Variants in OOEP observed in about 807,000 individuals in gnomAD.
The protein encoded by OOEP is oocyte expressed protein.
Under a neutral mutation model 13.7 loss-of-function variants are expected in OOEP, and 16 were observed. That is an observed-to-expected ratio of 1.16 (90% confidence interval 0.79 to 1.77). The LOEUF (loss-of-function observed/expected upper bound fraction) is 1.77. Among genes scored for constraint, OOEP ranks in the 40% most tolerant of loss-of-function variants. OOEP has a pLI of 0.00. For missense variants in OOEP, 195 were observed against 193.1 expected (o/e 1.01, Z -0.06); for synonymous variants, 89 against 77.1 (o/e 1.15, Z -0.81).
intron 2 of OOEP, among the ~76,000 whole-genome samples, chr6:73,385,164 G>T (rs1769253110): frequency 6.6e-6 from 1 of 151,692 alleles, no homozygotes; most frequent in Non-Finnish European, 1.5e-5. Context: ...GGCTAACATG[G>T]TGAAACCCCG....
upstream of OOEP, chr6:73,373,316 T>TAATGTAA: frequency 6.6e-7 from 1 of 1,518,304 alleles, no homozygotes. Context: ...GGAAGAGGGC[T>TAATGTAA]CCTTCTCTTC....
intron 2 of OOEP, 124 bp downstream of exon 2, chr6:73,369,082 T>C: frequency 9.7e-7 from 1 of 1,028,488 alleles, no homozygotes; most frequent in Non-Finnish European, 1.4e-6. Context: ...TTCGTACAGC[T>C]AGCTCCCTGG....
intron 2 of OOEP, among the ~76,000 whole-genome samples, chr6:73,387,398 C>T (rs571231442): frequency 1.4e-4 from 22 of 151,932 alleles, no homozygotes; most frequent in African/African-American, 4.6e-4. Context: ...CCTTTAATCC[C>T]GGCTACTTGG....
intron 2 of OOEP, among the ~76,000 whole-genome samples, chr6:73,389,023 G>GGA (rs1769311463): frequency 2.0e-5 from 3 of 150,884 alleles, no homozygotes; most frequent in South Asian, 2.1e-4. Flanking sequence ...GTGCAAATGC[G>GGA]AAGCCGCGAC....
intron 2 of OOEP, chr6:73,394,267 G>A (rs1186886479): frequency 5.7e-6 from 4 of 703,914 alleles, no homozygotes; most frequent in African/African-American, 3.5e-5. Context: ...CTTACATAGC[G>A]AGGATAAATG....
intron 2 of OOEP, among the ~76,000 whole-genome samples, chr6:73,392,900 G>A (rs937965603): frequency 6.6e-6 from 1 of 151,610 alleles, no homozygotes; most frequent in Non-Finnish European, 1.5e-5. Flanking sequence ...AAAGTGCTGG[G>A]ATTACAGGCA....
chr6:73,385,667 A>G (rs1481393202), intron 2 of OOEP, among the ~76,000 whole-genome samples: 2 of 151,024 alleles, frequency 1.3e-5, no homozygotes, highest in African/African-American at 2.4e-5. Context: ...GGCTCACTGC[A>G]ACCTCCACGT....
At position 73,394,537 on chromosome 6, in the gene OOEP, A is replaced by G. The variant is rs1226596994; in HGVS notation, c.-118-49T>C. 5.3e-6 allele frequency: 3 copies of G among 568,112 alleles called. No individual in the cohort carries two copies. In the African/African-American group the frequency reaches 5.8e-5, roughly 11 times the overall value. 35.2% of individuals were successfully genotyped at this position (568,112 alleles called of 1,614,324 possible). On this transcript the variant is annotated intron_variant, in intron 1 of 3. Coordinates refer to the OOEP transcript ENST00000370363. ...TTTCCAAGGCACTGAGATGCCAGGA[A>G]CCCGAGGTGTGTGTCCAGTAGGGGA...
Position 73,394,421 on chromosome 6 carries a change from G to A in OOEP, c.-51C>T, listed in dbSNP as rs974378430. The A allele has an allele frequency of 4.8e-5, 34 of 712,438 alleles. No homozygotes were observed. The African/African-American group carries it at 5.1e-4, about 11-fold the overall frequency. 44.1% of individuals were successfully genotyped at this position (712,438 alleles called of 1,614,324 possible). A position where few individuals can be genotyped will look rare whatever the true frequency, so the allele number is the denominator to read the frequency against. On this transcript the variant is annotated 5_prime_UTR_variant, in exon 2 of 4. Coordinates refer to the OOEP transcript ENST00000370363. ...CCCAGCACTTTGGGAGGCCGAGGCT[G>A]GAAGATCACTTGAAGCCAGAAGCCA...
chr6:73,371,002 C>T (rs1475611817), upstream of OOEP, among the ~76,000 whole-genome samples: 1 of 152,018 alleles, frequency 6.6e-6, no homozygotes, highest in East Asian at 1.9e-4. Context: ...AGACAGGGTC[C>T]CACTATGTTG....
At chr6:73,390,809 C>A (rs1769338107) in intron 2 of OOEP, among the ~76,000 whole-genome samples, 1 of 150,548 alleles carries the variant, frequency 6.6e-6, no homozygotes. Flanking sequence ...GCCATGTTGG[C>A]CAGGCTGGTC....
chr6:73,369,167 C>T (rs1198005958), intron 2 of OOEP, 39 bp downstream of exon 2: 9 of 1,579,152 alleles, frequency 5.7e-6, no homozygotes, highest in Non-Finnish European at 7.7e-6. Context: ...TATGGTCACT[C>T]GTGGCTTCCT....
At chr6:73,386,076 C>CA in intron 2 of OOEP, among the ~76,000 whole-genome samples, 1 of 151,356 alleles carries the variant, frequency 6.6e-6, no homozygotes, top group East Asian at 1.9e-4. Context: ...TAAAGAATAC[C>CA]AACAACATGC....
upstream of OOEP, among the ~76,000 whole-genome samples, chr6:73,372,692 C>A (rs1199460798): frequency 6.6e-6 from 1 of 152,124 alleles, no homozygotes; most frequent in Non-Finnish European, 1.5e-5. Flanking sequence ...TGGAAGCCAA[C>A]ACCAGAGACT....
At position 73,368,859 on chromosome 6, in the gene OOEP, C is replaced by T; in HGVS notation, c.375G>A (p.Glu125=). ...AGTTCTTCTCAAGGTGTTTCATCTT[C>T]TCAGCTGGAAGAGAAGCAGTTGATA... ...WFHREHRARA[E]KMKHLEKNLK... Residue 125 remains glutamate (E), a synonymous_variant, in exon 3 of 3, where the codon GAG becomes GAA. Coordinates refer to ENST00000370359, the MANE Select transcript of OOEP (RefSeq NM_001080507.3). 2 of 1,612,778 alleles carry T rather than the reference C, an allele frequency of 1.2e-6. No homozygotes were observed. The highest frequency in any genetic ancestry group is 1.1e-5 in the South Asian group (1 of 91,040).
upstream of OOEP, chr6:73,370,040 T>C: frequency 1.9e-6 from 1 of 529,568 alleles, no homozygotes; most frequent in South Asian, 2.3e-5. Flanking sequence ...TCATTTGGCC[T>C]CCTGTTGGGT....
At chr6:73,375,612 T>G (rs918773511) in intron 2 of OOEP, among the ~76,000 whole-genome samples, 6 of 145,856 alleles carry the variant, frequency 4.1e-5, no homozygotes, top group Admixed American at 4.1e-4. Flanking sequence ...TATATATAGC[T>G]TATATATTAT....
At chr6:73,383,288 A>G (rs1173271293) in intron 2 of OOEP, among the ~76,000 whole-genome samples, 3 of 152,222 alleles carry the variant, frequency 2.0e-5, no homozygotes, top group African/African-American at 4.8e-5. Flanking sequence ...ACATAGCCTT[A>G]TTTAGTGTGG....
intron 2 of OOEP, among the ~76,000 whole-genome samples, chr6:73,381,601 C>T (rs1347790996): frequency 6.6e-6 from 1 of 152,146 alleles, no homozygotes; most frequent in Non-Finnish European, 1.5e-5. Flanking sequence ...TAAGCATGGG[C>T]TGAGGAATTC....
Sources: gnomAD v4.1 joint callset for allele counts (sites outside exome capture counted in the v4.1 genomes callset) on GRCh38, gnomAD v4.1.1 for gene constraint, MANE v1.5 for transcripts, NCBI Gene and HGNC (gene_info 2026-07-23, HGNC 2026-07-21) for gene names.